Variants in BANP observed in about 807,000 individuals in gnomAD.
The protein encoded by BANP is BTG3 associated nuclear protein.
BANP carries 11 observed loss-of-function variants against 68.1 expected under a neutral mutation model. That is an observed-to-expected ratio of 0.16 (90% CI 0.10 to 0.27). BANP has a LOEUF of 0.27. Ranked by LOEUF, BANP falls within the 10% of genes least tolerant of loss-of-function variation. The probability of loss-of-function intolerance (pLI) is 1.00; values close to 1 mark genes in which losing one functional copy is unlikely to be tolerated. For synonymous variants in BANP, 329 were observed against 303.2 expected (o/e 1.09, Z -0.88); for missense variants, 504 against 722.7 (o/e 0.70, Z 3.47).
intron 4 of BANP, among the ~76,000 whole-genome samples, chr16:87,988,761 C>T (rs932523674): frequency 3.9e-4 from 60 of 152,288 alleles, no homozygotes; most frequent in African/African-American, 1.4e-3. Context: ...ACGAGGCCCC[C>T]GGAGAGAGTG....
chr16:88,044,278 T>C (rs1411347122), intron 11 of BANP, among the ~76,000 whole-genome samples: 4 of 152,330 alleles, frequency 2.6e-5, no homozygotes, highest in South Asian at 4.1e-4. Flanking sequence ...TCTAGAACCC[T>C]CCTCTCTCAC....
chr16:87,961,456 TC>T (rs2059140952), intron 1 of BANP, among the ~76,000 whole-genome samples: 1 of 143,692 alleles, frequency 7.0e-6, no homozygotes, highest in Non-Finnish European at 1.5e-5. Flanking sequence ...GTGAGCCACT[TC>T]CCCTGGTGAG....
rs2085452905 is a variant in BANP at position 88,057,707 on chromosome 16, T to C, written c.1312-7560T>C. 7.5e-6 allele frequency among the ~76,000 whole-genome samples: 1 copy of C among 134,012 alleles called. No individual in the cohort carries two copies. The allele number at this position is 134,012 out of a possible 152,430, so 87.9% of individuals were successfully genotyped here. On this transcript the variant is annotated intron_variant, in intron 11 of 13. Coordinates refer to ENST00000682872, the MANE Select transcript of BANP (RefSeq NM_001386991.1). The surrounding 1 kb of genome is among the most constrained non-coding windows in gnomAD (Gnocchi z 4.6). The stretch of plus-strand genomic sequence containing the variant: ...GAAGTTGCGGCACTGTGCGAGACAG[T>C]CTGACTTCTGACAAGTAAGAGAGAT...
At chr16:87,984,332 G>T (rs574310287) in intron 4 of BANP, 73 bp downstream of exon 4, 19 of 1,349,326 alleles carry the variant, frequency 1.4e-5, no homozygotes, top group Non-Finnish European at 1.9e-5. Flanking sequence ...GCCCAGGCCC[G>T]CAGCTTAGTG....
Position 88,071,692 on chromosome 16 carries a change from G to A in BANP, c.1378-377G>A, listed in dbSNP as rs1398549433. 1 of 492,308 alleles carries A rather than the reference G, an allele frequency of 2.0e-6. No homozygotes were observed. The highest frequency in any genetic ancestry group is 4.0e-6 in the Non-Finnish European group (1 of 250,956). 30.5% of individuals were successfully genotyped at this position (492,308 alleles called of 1,614,324 possible). ...GGATTTTAGGCCTCAGTGGCACTCTGGGAGCGCTTGTGCTCTTCATGGTTG... is the reference window on the plus strand; with the variant it reads ...GGATTTTAGGCCTCAGTGGCACTCTAGGAGCGCTTGTGCTCTTCATGGTTG... On this transcript the variant is annotated intron_variant, in intron 12 of 13. Coordinates refer to ENST00000682872, the MANE Select transcript of BANP (RefSeq NM_001386991.1). The surrounding 1 kb of genome is among the most constrained non-coding windows in gnomAD (Gnocchi z 6.5).
intron 1 of BANP, among the ~76,000 whole-genome samples, chr16:87,959,155 G>A (rs1435367055): frequency 6.6e-6 from 1 of 152,236 alleles, no homozygotes; most frequent in Non-Finnish European, 1.5e-5. Flanking sequence ...CTGGCCTTGT[G>A]GGGCGTGGGA....
At chr16:88,051,222 C>G (rs1465432279) in intron 11 of BANP, among the ~76,000 whole-genome samples, 1 of 152,230 alleles carries the variant, frequency 6.6e-6, no homozygotes, top group Non-Finnish European at 1.5e-5. Context: ...CAGACCCCCT[C>G]GAACCTCTGT....
At chr16:87,954,381 A>G (rs1341391412) in intron 1 of BANP, among the ~76,000 whole-genome samples, 1 of 152,086 alleles carries the variant, frequency 6.6e-6, no homozygotes, top group African/African-American at 2.4e-5. Flanking sequence ...GTTTCCACTA[A>G]TGTCACTTAA....
At position 88,063,197 on chromosome 16, in the gene BANP, G is replaced by A. The variant is rs118178427; in HGVS notation, c.1312-2070G>A. ...GTGCCTTCATTTCTGCGTGTTTCACGGCGTTGCCCTTGTGGTATCTGCTGA... is the reference window on the plus strand; with the variant it reads ...GTGCCTTCATTTCTGCGTGTTTCACAGCGTTGCCCTTGTGGTATCTGCTGA... On this transcript the variant is annotated intron_variant, in intron 11 of 13. Transcript: ENST00000682872. Among the ~76,000 whole-genome samples the A allele has an allele frequency of 5.2e-3, 794 of 152,328 alleles. 2 individuals carry two copies. Among genetic ancestry groups the A allele is most frequent in the Middle Eastern group, 0.02 (6 of 294 alleles).
At chr16:87,950,205 C>T (rs2056680798), upstream of BANP, among the ~76,000 whole-genome samples, 1 of 152,104 alleles carries the variant, frequency 6.6e-6, no homozygotes. Flanking sequence ...GTGAAAATAG[C>T]TGCCTCGCCC....
Position 88,057,939 on chromosome 16 carries a change from C to T in BANP, c.1312-7328C>T, listed in dbSNP as rs573903082. Among the ~76,000 whole-genome samples the T allele has an allele frequency of 3.9e-5, 6 of 152,126 alleles. No individual in the cohort carries two copies. Among genetic ancestry groups the T allele is most frequent in the East Asian group, 1.9e-4 (1 of 5,186 alleles). On this transcript the variant is annotated intron_variant, in intron 11 of 13. Transcript: ENST00000682872. The surrounding 1 kb of genome is among the most constrained non-coding windows in gnomAD (Gnocchi z 4.6). Reference sequence around the variant, plus strand: ...TTCCGACAAGCCAGGCGCCGAGGCTCGGTGTGGGCCCGTGGGCCTGATTGA... The same window carrying T: ...TTCCGACAAGCCAGGCGCCGAGGCTTGGTGTGGGCCCGTGGGCCTGATTGA...
intron 11 of BANP, among the ~76,000 whole-genome samples, chr16:88,063,400 A>T (rs1312343029): frequency 6.6e-6 from 1 of 152,096 alleles, no homozygotes; most frequent in Non-Finnish European, 1.5e-5. Context: ...GCCCTTGCTT[A>T]GTTAATAGGA....
In BANP at chr16:88,003,973, C is replaced by T. The variant is rs996168184; in HGVS notation, c.363-322C>T. 1.2e-5 allele frequency: 4 copies of T among 335,172 alleles called. No individual in the cohort carries two copies. The highest frequency in any genetic ancestry group is 2.7e-5 in the South Asian group (1 of 37,602). The allele number at this position is 335,172 out of a possible 1,614,324, so 20.8% of individuals were successfully genotyped here. A position where few individuals can be genotyped will look rare whatever the true frequency, so the allele number is the denominator to read the frequency against. On this transcript the variant is annotated intron_variant, in intron 4 of 13. Coordinates refer to ENST00000682872, the MANE Select transcript of BANP (RefSeq NM_001386991.1). This position sits in a 1 kb window ranked among gnomAD's most constrained non-coding sequence, Gnocchi z 6.1. ...TAACTGGGTGCGATAACAGCTGGTG[C>T]GGTTGCAGTCTATTCTGTCACAAGT...
intron 6 of BANP, among the ~76,000 whole-genome samples, chr16:88,017,849 C>T (rs1480974396): frequency 9.9e-5 from 15 of 152,226 alleles, no homozygotes; most frequent in Non-Finnish European, 1.6e-4. Flanking sequence ...CTGCTCTGGG[C>T]GGCTGCATTG....
At chr16:88,014,700 G>T (rs529523798) in intron 6 of BANP, among the ~76,000 whole-genome samples, 3 of 152,104 alleles carry the variant, frequency 2.0e-5, no homozygotes, top group African/African-American at 7.2e-5. Flanking sequence ...CACTGGTCCT[G>T]CATCACCCAC....
At chr16:88,026,353 G>T (rs1255753529) in intron 7 of BANP, among the ~76,000 whole-genome samples, 1 of 152,206 alleles carries the variant, frequency 6.6e-6, no homozygotes, top group Non-Finnish European at 1.5e-5. Context: ...GAGGCGTCGG[G>T]AATGACATAA....
intron 1 of BANP, among the ~76,000 whole-genome samples, chr16:87,964,671 T>C (rs577604766): frequency 5.3e-4 from 81 of 152,288 alleles, no homozygotes; most frequent in African/African-American, 1.9e-3. Context: ...GCGCTCTTTA[T>C]CGTGATCACA....
At chr16:87,993,051 G>A (rs148313275) in intron 4 of BANP, among the ~76,000 whole-genome samples, 8 of 152,288 alleles carry the variant, frequency 5.3e-5, no homozygotes, top group Non-Finnish European at 1.2e-4. Context: ...TTATTTTGTA[G>A]GATGTGCCTC....
chr16:87,971,030 A>AAG (rs10683846), intron 1 of BANP, among the ~76,000 whole-genome samples: 1 of 151,502 alleles, frequency 6.6e-6, no homozygotes, highest in Non-Finnish European at 1.5e-5. Context: ...AAAAAAAAAA[A>AAG]GAACTCTACC....
Sources: gnomAD v4.1 joint callset for allele counts (sites outside exome capture counted in the v4.1 genomes callset) on GRCh38, gnomAD v4.1.1 for gene constraint, Gnocchi (gnomAD v3.1) non-coding constraint, MANE v1.5 for transcripts, NCBI Gene and HGNC (gene_info 2026-07-23, HGNC 2026-07-21) for gene names.